The following CLN5 variants were observed in gnomAD, a reference collection of about 807,000 sequenced individuals.
CLN5 encodes the protein CLN5 lysosomal BMP synthase.
CLN5 carries 34 observed loss-of-function variants against 36.7 expected under a neutral mutation model. The observed-to-expected ratio is 0.93, with a 90% CI of 0.71 to 1.23. CLN5 has a LOEUF of 1.23. Ranked by LOEUF, CLN5 falls within the 50% of genes most tolerant of loss-of-function variation. The pLI is 0.00. For missense variants in CLN5, 427 were observed against 439.4 expected, an observed-to-expected ratio of 0.97 and a Z score of 0.25; for synonymous variants, 151 against 155.1, an observed-to-expected ratio of 0.97 and a Z score of 0.20.
chr13:76,995,937 A>G lies in CLN5; in HGVS notation c.375A>G (p.Thr125=). Residue 125 remains threonine (T), a synonymous_variant, in exon 3 of 4, where the codon ACA becomes ACG. Transcript: ENST00000377453. ...ATGATGCCATTGGATTCAGAAGTAC[A>G]TTAACTGGCAAGAACTACACAATGG... ...IMHDAIGFRS[T]LTGKNYTMEW... is the part of the protein sequence containing the mutation. 1 of 1,614,202 alleles carries G rather than the reference A, an allele frequency of 6.2e-7. No individual in the cohort carries two copies.
At chr13:76,995,849 T>C (rs1273899726) in intron 2 of CLN5, 53 bp from the exon 3 acceptor site, 11 of 1,387,220 alleles carry the variant, frequency 7.9e-6, no homozygotes, top group Non-Finnish European at 1.1e-5. Flanking sequence ...TCAGGTTACC[T>C]GGACCCATGG....
At position 76,996,090 on chromosome 13, in the gene CLN5, G is replaced by GT. The variant is rs1566219255; in HGVS notation, c.528_529insT (p.Glu177Ter). 1 of 1,614,148 alleles carries GT rather than the reference G, an allele frequency of 6.2e-7. No individual in the cohort carries two copies. Among genetic ancestry groups the GT allele is most frequent in the Non-Finnish European group, 8.5e-7 (1 of 1,180,030 alleles). ...AGGGAATTGATGATGTTCACTGGAAGGAAAATGGGACATTAGTTCAAGTAG... is the reference window on the plus strand; with the variant it reads ...AGGGAATTGATGATGTTCACTGGAAGTGAAAATGGGACATTAGTTCAAGTAG... On this transcript the variant is annotated frameshift_variant, in exon 3 of 4. Coordinates refer to ENST00000377453, the MANE Select transcript of CLN5 (RefSeq NM_006493.4). LOFTEE classifies it high-confidence loss of function.
Position 76,997,865 on chromosome 13 carries a change from G to A in CLN5, c.565+1738G>A, listed in dbSNP as rs913653386. On this transcript the variant is annotated intron_variant, in intron 3 of 3. Transcript: ENST00000377453. ...AGTAAGAGAAATCCATAAAATGCCT[G>A]ATTAAAGGATATGTTAACTATATCT... is the stretch of plus-strand genomic sequence containing the variant. 3 of 152,254 alleles carry A rather than the reference G, an allele frequency of 2.0e-5. No individual in the cohort carries two copies. In the East Asian group the frequency reaches 5.8e-4, roughly 29 times the overall value. The allele number at this position is 152,254 out of a possible 1,614,324, so 9.4% of individuals were successfully genotyped here.
chr13:77,001,068 T>G lies in CLN5; in HGVS notation c.*99T>G. ...GAATTCCTTAGCCTTTCTTCCTTGG[T>G]GCATAAAGTTAAAATGCACATCAGC... On this transcript the variant is annotated 3_prime_UTR_variant, in exon 4 of 4. Transcript: ENST00000377453. 9.4e-7 allele frequency: 1 copy of G among 1,068,982 alleles called. No individual in the cohort carries two copies. Among genetic ancestry groups the G allele is most frequent in the Non-Finnish European group, 1.4e-6 (1 of 725,504 alleles). The allele number at this position is 1,068,982 out of a possible 1,614,324, so 66.2% of individuals were successfully genotyped here.
chr13:76,994,210 A>G (rs1272546324), intron 1 of CLN5: 1 of 152,186 alleles, frequency 6.6e-6, no homozygotes, highest in Admixed American at 6.5e-5. Flanking sequence ...CCTAGTGACA[A>G]AATGACAGCC....
chr13:76,995,259 G>A (rs747732275), intron 2 of CLN5, 31 bp downstream of exon 2: 41 of 1,602,082 alleles, frequency 2.6e-5, no homozygotes, highest in Admixed American at 2.3e-4. Context: ...TATAACTTTG[G>A]TTAATTCAAT....
chr13:77,004,248 G>A lies in CLN5; in HGVS notation c.*3279G>A, dbSNP rs2034411643. On this transcript the variant is annotated 3_prime_UTR_variant, in exon 4 of 4. Transcript: ENST00000377453. ...TGAATTACCTGGAATTATAGTTCCT[G>A]TAAGATGTTTTATTTTTTAAATAGT... 1 of 152,198 alleles carries A rather than the reference G, an allele frequency of 6.6e-6. No individual in the cohort carries two copies. The highest frequency in any genetic ancestry group is 1.5e-5 in the Non-Finnish European group (1 of 68,034). The allele number at this position is 152,198 out of a possible 1,614,324, so 9.4% of individuals were successfully genotyped here.
chr13:76,996,424 A>G (rs951612057), intron 3 of CLN5: 16 of 365,564 alleles, frequency 4.4e-5, no homozygotes, highest in South Asian at 2.1e-4. Flanking sequence ...ACTGTACCCA[A>G]TGTATAGTCT....
chr13:76,997,464 G>A (rs2034288348), intron 3 of CLN5: 1 of 152,166 alleles, frequency 6.6e-6, no homozygotes. Context: ...ACTTTTTGAT[G>A]GGATTGTTTT....
intron 1 of CLN5, 36 bp downstream of exon 1, chr13:76,992,307 G>A (rs1221255188): frequency 5.9e-6 from 9 of 1,520,818 alleles, no homozygotes; most frequent in Non-Finnish European, 7.0e-6. Context: ...CGGGGTTGGG[G>A]TCGGCGTTGA....
At chr13:76,999,814 A>G (rs1443099692) in intron 3 of CLN5, 1 of 152,188 alleles carries the variant, frequency 6.6e-6, no homozygotes, top group African/African-American at 2.4e-5. Context: ...TGGGTAGAGA[A>G]AGAGAGCTTC....
chr13:76,996,418 T>A (rs1027225813), intron 3 of CLN5: 1 of 378,332 alleles, frequency 2.6e-6, no homozygotes, highest in Non-Finnish European at 4.9e-6. Flanking sequence ...GTGTACACTG[T>A]ACCCAATGTA....
chr13:77,001,060 T>C lies in CLN5; in HGVS notation c.*91T>C. On this transcript the variant is annotated 3_prime_UTR_variant, in exon 4 of 4. Transcript: ENST00000377453. ...ACTTTTGTGAATTCCTTAGCCTTTC[T>C]TCCTTGGTGCATAAAGTTAAAATGC... is the stretch of plus-strand genomic sequence containing the variant. 2 of 1,138,972 alleles carry C rather than the reference T, an allele frequency of 1.8e-6. No individual in the cohort carries two copies. Among genetic ancestry groups the C allele is most frequent in the Non-Finnish European group, 2.6e-6 (2 of 782,630 alleles). 70.6% of individuals were successfully genotyped at this position (1,138,972 alleles called of 1,614,324 possible).
chr13:76,996,245 G>A (rs1380182290), intron 3 of CLN5, 118 bp downstream of exon 3: 2 of 896,370 alleles, frequency 2.2e-6, no homozygotes, highest in South Asian at 1.5e-5. Flanking sequence ...TTTGTAAAAT[G>A]TACTTTTGGA....
intron 3 of CLN5, 168 bp downstream of exon 3, chr13:76,996,295 A>AT: frequency 1.6e-6 from 1 of 615,750 alleles, no homozygotes; most frequent in East Asian, 2.8e-5. Context: ...TCTTATTTGT[A>AT]TTTTTTATTT....
chr13:76,995,358 A>T, intron 2 of CLN5, 130 bp downstream of exon 2: 1 of 835,802 alleles, frequency 1.2e-6, no homozygotes, highest in South Asian at 1.4e-5. Flanking sequence ...AGTACATTTA[A>T]AATGAGTAGT....
In CLN5 at chr13:77,000,615, G is replaced by A; in HGVS notation, c.723G>A (p.Lys241=). The change falls in exon 4 of 4, where the codon AAG becomes AAA. Residue 241 remains lysine (K), a synonymous_variant. Transcript: ENST00000377453. ...AATTTGTGTTAAGGACCTTTAACAA[G>A]TTGGCTGAATTTGGAGCAGAGTTCA... The part of the protein sequence containing the change: ...CSKFVLRTFN[K]LAEFGAEFKN... 1 of 1,614,104 alleles carries A rather than the reference G, an allele frequency of 6.2e-7. No homozygotes were observed. The highest frequency in any genetic ancestry group is 1.1e-5 in the South Asian group (1 of 91,084).
rs2034417407 is a variant in CLN5, at chr13:77,004,485, T to G, written c.*3516T>G. 6.6e-6 allele frequency: 1 copy of G among 152,220 alleles called. No individual in the cohort carries two copies. Among genetic ancestry groups the G allele is most frequent in the Non-Finnish European group, 1.5e-5 (1 of 68,032 alleles). The allele number at this position is 152,220 out of a possible 1,614,324, so 9.4% of individuals were successfully genotyped here. A position where few individuals can be genotyped will look rare whatever the true frequency, so the allele number is the denominator to read the frequency against. On this transcript the variant is annotated 3_prime_UTR_variant, in exon 4 of 4. Transcript: ENST00000377453. The stretch of plus-strand genomic sequence containing the variant: ...TTATTTATCCTTTTATTGGACTGAT[T>G]ATTCTAAGGATAAGCTCTTACTTCA...
chr13:76,996,607 G>T, intron 3 of CLN5: 1 of 172,890 alleles, frequency 5.8e-6, no homozygotes. Context: ...ATTATTCCAG[G>T]TTGCTGCAAA....
Sources: allele counts gnomAD v4.1 joint callset, GRCh38; gene constraint gnomAD v4.1.1; transcripts MANE v1.5; gene names NCBI Gene and HGNC (gene_info 2026-07-23, HGNC 2026-07-21).